Variants in PKDCC observed in about 807,000 individuals in gnomAD.
PKDCC encodes the protein protein kinase domain containing, cytoplasmic.
PKDCC carries 35 observed loss-of-function variants against 44.7 expected under a neutral mutation model. The observed-to-expected ratio is 0.78, with a 90% CI of 0.60 to 1.04. The LOEUF is 1.04. Among genes scored for constraint, PKDCC ranks in the 50% least tolerant of loss-of-function variants. The pLI is 0.00. For synonymous variants in PKDCC, 353 were observed against 303.3 expected, an observed-to-expected ratio of 1.16 and a Z score of -1.70; for missense variants, 738 against 672.7, an observed-to-expected ratio of 1.10 and a Z score of -1.07.
At chr2:42,057,492 G>A in intron 6 of PKDCC, 98 bp downstream of exon 6, 1 of 1,563,162 alleles carries the variant, frequency 6.4e-7, no homozygotes, top group Non-Finnish European at 8.8e-7. Flanking sequence ...GGGGTGCTGA[G>A]GTGATGAGAG....
At position 42,048,983 on chromosome 2, in the gene PKDCC, T is replaced by A. The variant is rs1667923206; in HGVS notation, c.639+145T>A. The stretch of plus-strand genomic sequence containing the variant: ...GACGCAGAAACCGGACCATGGCCCT[T>A]CCCACTGCACCACCCTGCTTCTCAC... On this transcript the variant is annotated intron_variant, in intron 1 of 6. Coordinates refer to ENST00000294964, the MANE Select transcript of PKDCC (RefSeq NM_138370.3). This position sits in a 1 kb window ranked among gnomAD's most constrained non-coding sequence, Gnocchi z 6.2. 7.9e-7 allele frequency: 1 copy of A among 1,269,562 alleles called. No individual in the cohort carries two copies. Among genetic ancestry groups the A allele is most frequent in the African/African-American group, 1.5e-5 (1 of 66,530 alleles). The allele number at this position is 1,269,562 out of a possible 1,614,324, so 78.6% of individuals were successfully genotyped here.
chr2:42,053,992 A>G (rs1668011145), intron 2 of PKDCC, 44 bp from the exon 3 acceptor site: 1 of 1,585,580 alleles, frequency 6.3e-7, no homozygotes, highest in Non-Finnish European at 8.6e-7. Flanking sequence ...CAGACCCCCA[A>G]CCCAGGAGAA....
chr2:42,057,174 A>G (rs768483418), intron 5 of PKDCC, 47 bp from the exon 6 acceptor site: 1 of 1,600,790 alleles, frequency 6.2e-7, no homozygotes, highest in Non-Finnish European at 8.5e-7. Context: ...TGGGCACTCA[A>G]ACCTGGGCAT....
Position 42,055,861 on chromosome 2 carries a change from G to A in PKDCC, c.1222+468G>A, listed in dbSNP as rs577508085. Among the ~76,000 whole-genome samples, 4 of 152,280 alleles carry A rather than the reference G, an allele frequency of 2.6e-5. No individual in the cohort carries two copies. Among genetic ancestry groups the A allele is most frequent in the Admixed American group, 6.5e-5 (1 of 15,304 alleles). On this transcript the variant is annotated intron_variant, in intron 5 of 6. Transcript: ENST00000294964. This position sits in a 1 kb window ranked among gnomAD's most constrained non-coding sequence, Gnocchi z 4.5. ...TTCCCTTTCCTTCCTCTAACCTCCC[G>A]GGGCTAGAAGGGCACTGCATGTTAG...
intron 2 of PKDCC, 102 bp from the exon 3 acceptor site, chr2:42,053,934 C>A: frequency 2.7e-6 from 4 of 1,456,796 alleles, no homozygotes; most frequent in East Asian, 4.6e-5. Flanking sequence ...AGTGCCAACC[C>A]CCACAAGCAA....
In PKDCC at chr2:42,048,794, G is replaced by GAGAT. The variant is rs1428702018; in HGVS notation, c.596_599dup (p.Met200IlefsTer100). 6.0e-6 allele frequency: 9 copies of GAGAT among 1,498,538 alleles called. No individual in the cohort carries two copies. Among genetic ancestry groups the GAGAT allele is most frequent in the Non-Finnish European group, 7.2e-6 (8 of 1,116,182 alleles). 92.8% of individuals were successfully genotyped at this position (1,498,538 alleles called of 1,614,324 possible). On this transcript the variant is annotated frameshift_variant, in exon 1 of 7. Coordinates refer to ENST00000294964, the MANE Select transcript of PKDCC (RefSeq NM_138370.3). LOFTEE classifies it high-confidence loss of function. The surrounding 1 kb of genome is among the most constrained non-coding windows in gnomAD (Gnocchi z 6.2). Reference sequence around the variant, plus strand: ...GCTGGCGGCCCACAAGCTGCTTAAGGAGATGGTGCTGCTGGAGCGGCTGCG... The same window carrying GAGAT: ...GCTGGCGGCCCACAAGCTGCTTAAGGAGATAGATGGTGCTGCTGGAGCGGCTGCG...
Position 42,048,652 on chromosome 2 carries a change from C to G in PKDCC, c.453C>G (p.Ala151=), listed in dbSNP as rs1202649517. ...ACATGGGCTCAGGCTACACCAAGGC[C>G]GTGTACCGGGTCCGCCTGCCCGGCG... ...AQYMGSGYTK[A]VYRVRLPGGA... Residue 151 remains alanine, a synonymous_variant, in exon 1 of 7, where the codon GCC becomes GCG. Coordinates refer to ENST00000294964, the MANE Select transcript of PKDCC (RefSeq NM_138370.3). The surrounding 1 kb of genome is among the most constrained non-coding windows in gnomAD (Gnocchi z 6.2). 9.7e-6 allele frequency: 15 copies of G among 1,545,130 alleles called. No homozygotes were observed. The South Asian group carries it at 1.2e-4, about 12-fold the overall frequency.
rs1668039922 is a variant in PKDCC, at chr2:42,055,527, T to A, written c.1222+134T>A. 1.7e-5 allele frequency: 12 copies of A among 695,462 alleles called. No individual in the cohort carries two copies. The South Asian group carries it at 2.2e-4, about 13-fold the overall frequency. The allele number at this position is 695,462 out of a possible 1,614,324, so 43.1% of individuals were successfully genotyped here. A position where few individuals can be genotyped will look rare whatever the true frequency, so the allele number is the denominator to read the frequency against. On this transcript the variant is annotated intron_variant, in intron 5 of 6. Transcript: ENST00000294964. This position sits in a 1 kb window ranked among gnomAD's most constrained non-coding sequence, Gnocchi z 4.5. ...CCAAAGGCCACTGTAGGGGCTCACATAGAATCATGGAGGGGCTGACATGGA... is the reference window on the plus strand; with the variant it reads ...CCAAAGGCCACTGTAGGGGCTCACAAAGAATCATGGAGGGGCTGACATGGA...
chr2:42,049,908 C>T (rs1400087727), intron 1 of PKDCC, among the ~76,000 whole-genome samples: 1 of 152,214 alleles, frequency 6.6e-6, no homozygotes, highest in Non-Finnish European at 1.5e-5. Flanking sequence ...ATCTTGCACA[C>T]ACCTTCCACC....
At chr2:42,053,753 G>A (rs577909000) in intron 2 of PKDCC, among the ~76,000 whole-genome samples, 1 of 152,262 alleles carries the variant, frequency 6.6e-6, no homozygotes, top group African/African-American at 2.4e-5. Flanking sequence ...CATTCAGGAT[G>A]CAACTTCAGG....
chr2:42,057,465 C>G, intron 6 of PKDCC, 71 bp downstream of exon 6: 2 of 1,595,934 alleles, frequency 1.3e-6, no homozygotes, highest in Non-Finnish European at 1.7e-6. Context: ...ATAGTGATCC[C>G]CCATCGGAAG....
chr2:42,056,735 G>T (rs534267979), intron 5 of PKDCC, among the ~76,000 whole-genome samples: 1 of 150,986 alleles, frequency 6.6e-6, no homozygotes, highest in Admixed American at 6.6e-5. Flanking sequence ...CTGCACTCTA[G>T]TCTAGGCAAC....
chr2:42,055,070 C>G lies in PKDCC; in HGVS notation c.1114+50C>G, dbSNP rs1439982549. On this transcript the variant is annotated intron_variant, in intron 4 of 6. Coordinates refer to ENST00000294964, the MANE Select transcript of PKDCC (RefSeq NM_138370.3). The surrounding 1 kb of genome is among the most constrained non-coding windows in gnomAD (Gnocchi z 4.5). Reference sequence around the variant, plus strand: ...TTCCAGGCACCTACCCCACCCCCACCCGCCAGCAAAAGTGGGGAGAAAAAT... The same window carrying G: ...TTCCAGGCACCTACCCCACCCCCACGCGCCAGCAAAAGTGGGGAGAAAAAT... 6.4e-7 allele frequency: 1 copy of G among 1,550,468 alleles called. No homozygotes were observed. The highest frequency in any genetic ancestry group is 1.1e-5 in the South Asian group (1 of 89,528).
Position 42,048,569 on chromosome 2 carries a change from C to T in PKDCC, c.370C>T (p.Pro124Ser). 7.4e-7 allele frequency: 1 copy of T among 1,349,630 alleles called. No homozygotes were observed. Among genetic ancestry groups the T allele is most frequent in the East Asian group, 3.1e-5 (1 of 32,546 alleles). 83.6% of individuals were successfully genotyped at this position (1,349,630 alleles called of 1,614,324 possible). A position where few individuals can be genotyped will look rare whatever the true frequency, so the allele number is the denominator to read the frequency against. The change falls in exon 1 of 7, where the codon CCC becomes TCC. Residue 124 changes from proline (P) to serine (S), a missense_variant. Physicochemically the swap from Pro to Ser is moderately conservative, Grantham distance 74 (BLOSUM62 -1). Transcript: ENST00000294964. The surrounding 1 kb of genome is among the most constrained non-coding windows in gnomAD (Gnocchi z 6.2). ...GCCCCCGGCTCCCGGCCCAGGCTCC[C>T]CCGGCCCGGGCCCGCGCCTGGGCTG... ...GWPPAPGPGS[P>S]GPGPRLGCAA...
At chr2:42,049,724 G>A (rs940430856) in intron 1 of PKDCC, among the ~76,000 whole-genome samples, 2 of 152,148 alleles carry the variant, frequency 1.3e-5, no homozygotes, top group Non-Finnish European at 2.9e-5. Flanking sequence ...CTTTGAGTGG[G>A]CCTCTCACAG....
Position 42,048,464 on chromosome 2 carries a change from G to C in PKDCC, c.265G>C (p.Asp89His), listed in dbSNP as rs1292367097. The C allele has an allele frequency of 3.3e-5, 35 of 1,070,464 alleles. No homozygotes were observed. In the Admixed American group the frequency reaches 1.7e-3, roughly 50 times the overall value. The allele number at this position is 1,070,464 out of a possible 1,614,324, so 66.3% of individuals were successfully genotyped here. A position where few individuals can be genotyped will look rare whatever the true frequency, so the allele number is the denominator to read the frequency against. ...AGRPERRRLM[D>H]LAPGGPGLPR... ...CCGGCCGGAGCGGCGGCGCCTGATG[G>C]ACCTGGCTCCGGGCGGGCCCGGCCT... The change falls in exon 1 of 7, where the codon GAC becomes CAC. Residue 89 changes from aspartate (D) to histidine (H), a missense_variant. Physicochemically the swap from Asp to His is moderately conservative, Grantham distance 81. Transcript: ENST00000294964. The surrounding 1 kb of genome is among the most constrained non-coding windows in gnomAD (Gnocchi z 6.2).
chr2:42,057,654 CCAA>C lies in PKDCC; in HGVS notation c.1452_1454del (p.Asn484del). On this transcript the variant is annotated inframe_deletion, in exon 7 of 7. Transcript: ENST00000294964. The stretch of plus-strand genomic sequence containing the variant: ...GGATGGAGCCAAGTGGTCCCTGATC[CCAA>C]CAAGACCACATATGTGAAGGCCTCT... 1 of 1,613,986 alleles carries C rather than the reference CCAA, an allele frequency of 6.2e-7. No individual in the cohort carries two copies. Among genetic ancestry groups the C allele is most frequent in the Non-Finnish European group, 8.5e-7 (1 of 1,179,992 alleles).
Position 42,055,509 on chromosome 2 carries a change from C to A in PKDCC, c.1222+116C>A. ...CTCTGGGGACCCTTGTCTCCAAAGG[C>A]CACTGTAGGGGCTCACATAGAATCA... On this transcript the variant is annotated intron_variant, in intron 5 of 6. Transcript: ENST00000294964. The surrounding 1 kb of genome is among the most constrained non-coding windows in gnomAD (Gnocchi z 4.5). 2 of 805,784 alleles carry A rather than the reference C, an allele frequency of 2.5e-6. No individual in the cohort carries two copies. The highest frequency in any genetic ancestry group is 4.0e-6 in the Non-Finnish European group (2 of 494,840). The allele number at this position is 805,784 out of a possible 1,614,324, so 49.9% of individuals were successfully genotyped here.
rs778355868 is a variant in PKDCC, at chr2:42,053,280, C to T, written c.681C>T (p.Asp227=). The part of the protein sequence containing the change: ...YCYQDSEDIP[D]TLTTITELGA... ...ACCAGGACAGCGAGGACATCCCAGA[C>T]ACCCTGACCACCATCACGGAGCTGG... The change falls in exon 2 of 7, where the codon GAC becomes GAT. Residue 227 remains aspartate (D), a synonymous_variant. Coordinates refer to ENST00000294964, the MANE Select transcript of PKDCC (RefSeq NM_138370.3). 3.1e-6 allele frequency: 5 copies of T among 1,612,700 alleles called. No homozygotes were observed. In the East Asian group the frequency reaches 1.1e-4, roughly 36 times the overall value.
Sources: gnomAD v4.1 joint callset for allele counts (sites outside exome capture counted in the v4.1 genomes callset) on GRCh38, gnomAD v4.1.1 for gene constraint, Gnocchi (gnomAD v3.1) non-coding constraint, MANE v1.5 for transcripts, NCBI Gene and HGNC (gene_info 2026-07-23, HGNC 2026-07-21) for gene names.